The following STAP1 variants were observed in gnomAD, a reference collection of about 807,000 sequenced individuals.
The protein encoded by STAP1 is signal transducing adaptor family member 1.
In STAP1, 30 loss-of-function variants were observed where a neutral mutation model predicts 37.8. The observed-to-expected ratio is 0.79, with a 90% CI of 0.59 to 1.08. The LOEUF (loss-of-function observed/expected upper bound fraction) is 1.08. Ranked by LOEUF, STAP1 falls within the 50% of genes least tolerant of loss-of-function variation. The pLI is 0.00. For missense variants in STAP1, 357 were observed against 349.4 expected, an observed-to-expected ratio of 1.02 and a Z score of -0.17; for synonymous variants, 130 against 116.0, an observed-to-expected ratio of 1.12 and a Z score of -0.78.
chr4:67,592,784 A>T (rs989336677), intron 7 of STAP1, among the ~76,000 whole-genome samples: 4 of 152,162 alleles, frequency 2.6e-5, no homozygotes, highest in African/African-American at 9.7e-5. Flanking sequence ...CCTGGACTCA[A>T]GGAATCCTCC....
chr4:67,567,599 T>G (rs1727500587), intron 1 of STAP1, among the ~76,000 whole-genome samples: 3 of 152,240 alleles, frequency 2.0e-5, no homozygotes, highest in Admixed American at 2.0e-4. Flanking sequence ...AAACAATAAT[T>G]TTCTAGCCTT....
At chr4:67,603,041 A>G (rs1463056612) in intron 8 of STAP1, among the ~76,000 whole-genome samples, 4 of 152,120 alleles carry the variant, frequency 2.6e-5, no homozygotes, top group Non-Finnish European at 5.9e-5. Context: ...TGGAGTTAGG[A>G]ACCTCAGCAA....
At chr4:67,571,055 A>G (rs763517932) in intron 1 of STAP1, 29 bp from the exon 2 acceptor site, 2 of 1,553,564 alleles carry the variant, frequency 1.3e-6, no homozygotes, top group South Asian at 2.2e-5. Context: ...TACACTAATG[A>G]AATAATGTTT....
At position 67,583,689 on chromosome 4, in the gene STAP1, C is replaced by A. The variant is rs766139382; in HGVS notation, c.646C>A (p.Arg216=). 1 of 1,611,264 alleles carries A rather than the reference C, an allele frequency of 6.2e-7. No individual in the cohort carries two copies. Among genetic ancestry groups the A allele is most frequent in the East Asian group, 2.2e-5 (1 of 44,808 alleles). Reference sequence around the variant, plus strand: ...CAGTAGAAACTACTCCATCACTATTCGGCAGGAGATAGAGTATGTTTATTT... The same window carrying A: ...CAGTAGAAACTACTCCATCACTATTAGGCAGGAGATAGAGTATGTTTATTT... ...SDSRNYSITI[R]QEIDIPRIKH... Residue 216 remains arginine, a synonymous_variant, in exon 6 of 9, where the codon CGG becomes AGG. Coordinates refer to ENST00000265404, the MANE Select transcript of STAP1 (RefSeq NM_012108.4).
At position 67,593,301 on chromosome 4, in the gene STAP1, G is replaced by A. The variant is rs1475499376; in HGVS notation, c.771G>A (p.Val257=). 6.2e-7 allele frequency: 1 copy of A among 1,613,380 alleles called. No individual in the cohort carries two copies. The highest frequency in any genetic ancestry group is 1.1e-5 in the South Asian group (1 of 90,898). The change falls in exon 8 of 9, where the codon GTG becomes GTA. Residue 257 remains valine, a synonymous_variant. Coordinates refer to ENST00000265404, the MANE Select transcript of STAP1 (RefSeq NM_012108.4). ...TTTTCAGTGTCATTGATTATTTTGT[G>A]AAGGAGACTCGAGGAAATTTAAGAC... is the stretch of plus-strand genomic sequence containing the variant. ...PNLFSVIDYF[V]KETRGNLRPF...
At chr4:67,577,180 T>C in intron 3 of STAP1, 23 bp from the exon 4 acceptor site, 2 of 1,593,044 alleles carry the variant, frequency 1.3e-6, no homozygotes, top group Non-Finnish European at 1.7e-6. Flanking sequence ...TTTGGCTTTA[T>C]CTGTTTTTGT....
intron 1 of STAP1, among the ~76,000 whole-genome samples, chr4:67,564,405 C>T (rs2046599): frequency 0.69 from 104,947 of 152,022 alleles, 37,455 homozygotes; most frequent in Non-Finnish European, 0.79. Flanking sequence ...AACACCTCTA[C>T]AATTTTTCTC....
At chr4:67,585,486 A>G (rs2109867757) in intron 6 of STAP1, among the ~76,000 whole-genome samples, 1 of 152,356 alleles carries the variant, frequency 6.6e-6, no homozygotes, top group East Asian at 1.9e-4. Flanking sequence ...CACTGAACAG[A>G]TGGCAAGAAT....
At chr4:67,590,286 T>C (rs114775931) in intron 6 of STAP1, among the ~76,000 whole-genome samples, 1,546 of 152,290 alleles carry the variant, frequency 0.01, 11 homozygotes, top group Non-Finnish European at 0.014. Flanking sequence ...ACAATACGAT[T>C]CATGTAATGT....
intron 1 of STAP1, among the ~76,000 whole-genome samples, chr4:67,564,815 A>G (rs1213769359): frequency 6.6e-6 from 1 of 152,178 alleles, no homozygotes; most frequent in East Asian, 1.9e-4. Flanking sequence ...TGGGAGGCTG[A>G]GGTGGGAGAA....
At chr4:67,564,572 G>T (rs1484984309) in intron 1 of STAP1, among the ~76,000 whole-genome samples, 3 of 152,024 alleles carry the variant, frequency 2.0e-5, no homozygotes, top group Admixed American at 2.0e-4. Context: ...TGACTTCAGG[G>T]TTTTCTCTTG....
chr4:67,604,002 C>G (rs961552827), intron 8 of STAP1, among the ~76,000 whole-genome samples: 1 of 152,154 alleles, frequency 6.6e-6, no homozygotes, highest in African/African-American at 2.4e-5. Flanking sequence ...AACCCTAGAT[C>G]ACTTTAGCCT....
At chr4:67,603,604 G>A (rs1728390358) in intron 8 of STAP1, among the ~76,000 whole-genome samples, 1 of 152,004 alleles carries the variant, frequency 6.6e-6, no homozygotes, top group South Asian at 2.1e-4. Flanking sequence ...GATGAATACT[G>A]CCAGGACTGA....
chr4:67,577,301 A>C, intron 4 of STAP1, 42 bp downstream of exon 4: 1 of 1,510,562 alleles, frequency 6.6e-7, no homozygotes, highest in Non-Finnish European at 9.1e-7. Context: ...TTTTTTTTTC[A>C]ACAAATATCT....
At position 67,558,932 on chromosome 4, in the gene STAP1, G is replaced by A. The variant is rs1183763200; in HGVS notation, c.120+3G>A. 1.3e-6 allele frequency: 2 copies of A among 1,598,892 alleles called. No homozygotes were observed. Among genetic ancestry groups the A allele is most frequent in the South Asian group, 1.1e-5 (1 of 88,046 alleles). On this transcript the variant is annotated splice_donor_region_variant and intron_variant, in intron 1 of 8. Transcript: ENST00000265404. ...TAATCAAGCGGTCAGGATACCGGGT[G>A]AGTCTATAGATGATAATGTTAAACC... is the stretch of plus-strand genomic sequence containing the variant.
intron 6 of STAP1, among the ~76,000 whole-genome samples, chr4:67,589,286 T>A (rs937198957): frequency 6.6e-6 from 1 of 152,224 alleles, no homozygotes; most frequent in African/African-American, 2.4e-5. Flanking sequence ...TGTAACTGAT[T>A]CCTGAAGTTT....
At chr4:67,604,019 T>G (rs1728399497) in intron 8 of STAP1, among the ~76,000 whole-genome samples, 1 of 152,200 alleles carries the variant, frequency 6.6e-6, no homozygotes, top group South Asian at 2.1e-4. Flanking sequence ...GCCTGTGGTG[T>G]TGAGACTAGT....
At chr4:67,582,041 T>G (rs528766140) in intron 5 of STAP1, among the ~76,000 whole-genome samples, 6 of 152,282 alleles carry the variant, frequency 3.9e-5, no homozygotes, top group Admixed American at 2.6e-4. Flanking sequence ...CTTGGTGGTG[T>G]TGTCAATAAA....
intron 4 of STAP1, among the ~76,000 whole-genome samples, chr4:67,579,450 A>T (rs1161312958): frequency 1.3e-5 from 2 of 152,008 alleles, no homozygotes; most frequent in East Asian, 1.9e-4. Context: ...GTATTAGGCC[A>T]TTCTTGCATT....
Sources: gnomAD v4.1 joint callset for allele counts (sites outside exome capture counted in the v4.1 genomes callset) on GRCh38, gnomAD v4.1.1 for gene constraint, MANE v1.5 for transcripts, NCBI Gene and HGNC (gene_info 2026-07-23, HGNC 2026-07-21) for gene names.